Variants in NSL1 observed in about 807,000 individuals in gnomAD.
NSL1 encodes the protein NSL1 component of MIS12 kinetochore complex, also known as kinetochore-associated protein NSL1 homolog.
In NSL1, 11 loss-of-function variants were observed where a neutral mutation model predicts 25.4. The observed-to-expected ratio is 0.43, with a 90% CI of 0.27 to 0.72. The LOEUF is 0.72. NSL1 is among the 30% of genes least tolerant of loss of function. NSL1 has a pLI of 0.19. For missense variants in NSL1, 330 were observed against 342.7 expected, an observed-to-expected ratio of 0.96 and a Z score of 0.29; for synonymous variants, 118 against 120.6, an observed-to-expected ratio of 0.98 and a Z score of 0.14.
Position 212,738,369 on chromosome 1 carries a change from T to C in NSL1, c.*39A>G. 4 of 1,573,906 alleles carry C rather than the reference T, an allele frequency of 2.5e-6. No homozygotes were observed. The highest frequency in any genetic ancestry group is 2.6e-6 in the Non-Finnish European group (3 of 1,163,578). On this transcript the variant is annotated 3_prime_UTR_variant, in exon 6 of 6. Transcript: ENST00000366977. ...AATTAGGCTGTAATCTAAATGTTGA[T>C]GGTGCCTATTTTCAACTCCCAAAAT...
At chr1:212,750,200 T>C (rs1297597752) in intron 4 of NSL1, among the ~76,000 whole-genome samples, 4 of 151,830 alleles carry the variant, frequency 2.6e-5, no homozygotes, top group Non-Finnish European at 4.4e-5. Context: ...GAGGGTGCCA[T>C]GGAGGCACAA....
Position 212,728,869 on chromosome 1 carries a change from T to C in NSL1, c.*9539A>G. 3 of 985,008 alleles carry C rather than the reference T, an allele frequency of 3.0e-6. No individual in the cohort carries two copies. Among genetic ancestry groups the C allele is most frequent in the South Asian group, 9.4e-5 (2 of 21,262 alleles). The allele number at this position is 985,008 out of a possible 1,614,324, so 61.0% of individuals were successfully genotyped here. A position where few individuals can be genotyped will look rare whatever the true frequency, so the allele number is the denominator to read the frequency against. ...GTTTGCAGGAGGGCAAGACTGGGAG[T>C]GCTGGGGGTGGGGAGGCCAGAGTCC... On this transcript the variant is annotated 3_prime_UTR_variant, in exon 6 of 6. Transcript: ENST00000366977.
chr1:212,763,443 T>C (rs1659663974), intron 4 of NSL1, among the ~76,000 whole-genome samples: 1 of 151,978 alleles, frequency 6.6e-6, no homozygotes, highest in Admixed American at 6.6e-5. Flanking sequence ...CATTTCAATA[T>C]TAACGTTGAA....
chr1:212,740,689 T>C (rs74931144), intron 4 of NSL1, among the ~76,000 whole-genome samples: 2,294 of 152,280 alleles, frequency 0.015, 59 homozygotes, highest in African/African-American at 0.053. Context: ...TGTGCCCCTT[T>C]CCCAGTCAAT....
At chr1:212,790,553 T>TG (rs200733237) in intron 1 of NSL1, among the ~76,000 whole-genome samples, 3,253 of 152,186 alleles carry the variant, frequency 0.021, 57 homozygotes, top group Non-Finnish European at 0.034. Context: ...TCTACTTATA[T>TG]TAGCGGAAAA....
intron 4 of NSL1, chr1:212,766,171 G>A: frequency 1.8e-6 from 1 of 567,708 alleles, no homozygotes; most frequent in Non-Finnish European, 3.1e-6. Flanking sequence ...CAACAAACTA[G>A]GCAAAGAAGA....
intron 4 of NSL1, among the ~76,000 whole-genome samples, chr1:212,775,458 A>T (rs1226045118): frequency 1.3e-5 from 2 of 152,226 alleles, no homozygotes; most frequent in Non-Finnish European, 2.9e-5. Context: ...GATGTAATAG[A>T]TTCAGTATAA....
At chr1:212,757,649 A>G (rs779197468) in intron 4 of NSL1, among the ~76,000 whole-genome samples, 4 of 152,106 alleles carry the variant, frequency 2.6e-5, no homozygotes, top group Non-Finnish European at 5.9e-5. Context: ...CTTTAAAACA[A>G]CCAGCTCTCA....
chr1:212,729,092 A>G lies in NSL1; in HGVS notation c.*9316T>C. The stretch of plus-strand genomic sequence containing the variant: ...AAAATAAATTGCAGTAAGTGTTAAA[A>G]CTTGCCAGTCAATTACAGGAATATA... On this transcript the variant is annotated 3_prime_UTR_variant, in exon 6 of 6. Coordinates refer to ENST00000366977, the MANE Select transcript of NSL1 (RefSeq NM_015471.4). The G allele has an allele frequency of 1.0e-6, 1 of 985,434 alleles. No individual in the cohort carries two copies. Among genetic ancestry groups the G allele is most frequent in the Non-Finnish European group, 1.2e-6 (1 of 829,934 alleles). 61.0% of individuals were successfully genotyped at this position (985,434 alleles called of 1,614,324 possible). A position where few individuals can be genotyped will look rare whatever the true frequency, so the allele number is the denominator to read the frequency against.
chr1:212,769,908 A>G (rs1004863095), intron 4 of NSL1, among the ~76,000 whole-genome samples: 2 of 152,312 alleles, frequency 1.3e-5, no homozygotes, highest in Non-Finnish European at 2.9e-5. Context: ...ATAATAGCTT[A>G]ATGGATAAAA....
chr1:212,788,368 G>A (rs6702611), intron 1 of NSL1, among the ~76,000 whole-genome samples: 61,197 of 152,136 alleles, frequency 0.4, 13,953 homozygotes, highest in Non-Finnish European at 0.51. Flanking sequence ...AGCTATGATT[G>A]CCACTGTACT....
At chr1:212,781,973 AAAT>A (rs1288333893) in intron 4 of NSL1, 2 of 465,604 alleles carry the variant, frequency 4.3e-6, no homozygotes, top group Non-Finnish European at 8.4e-6. Flanking sequence ...TTGATTTTAG[AAAT>A]AATGAGAAAC....
In NSL1 at chr1:212,728,610, T is replaced by C; in HGVS notation, c.*9798A>G. 1 of 985,378 alleles carries C rather than the reference T, an allele frequency of 1.0e-6. No individual in the cohort carries two copies. The highest frequency in any genetic ancestry group is 1.2e-6 in the Non-Finnish European group (1 of 829,912). 61.0% of individuals were successfully genotyped at this position (985,378 alleles called of 1,614,324 possible). ...GAGTTTTATGTTAGGAAAAAAATGG[T>C]TTCTGAGAATTCTGAGGCTCTGATC... On this transcript the variant is annotated 3_prime_UTR_variant, in exon 6 of 6. Coordinates refer to ENST00000366977, the MANE Select transcript of NSL1 (RefSeq NM_015471.4).
At chr1:212,775,851 G>A (rs1273665521) in intron 4 of NSL1, among the ~76,000 whole-genome samples, 8 of 151,084 alleles carry the variant, frequency 5.3e-5, no homozygotes, top group Non-Finnish European at 7.4e-5. Context: ...TTTTTGAGAC[G>A]GAGTCTCACT....
chr1:212,741,758 C>T (rs1658517158), intron 4 of NSL1, among the ~76,000 whole-genome samples: 1 of 152,184 alleles, frequency 6.6e-6, no homozygotes, highest in African/African-American at 2.4e-5. Flanking sequence ...ACTAATACAG[C>T]TGAGCAGTAG....
At chr1:212,766,733 A>T (rs1257562052) in intron 4 of NSL1, among the ~76,000 whole-genome samples, 3 of 152,192 alleles carry the variant, frequency 2.0e-5, no homozygotes, top group African/African-American at 7.2e-5. Context: ...TAAAGTATCA[A>T]AGTACAAAAT....
At position 212,791,727 on chromosome 1, in the gene NSL1, G is replaced by A; in HGVS notation, c.37C>T (p.Pro13Ser). The A allele has an allele frequency of 6.2e-7, 1 of 1,613,524 alleles. No homozygotes were observed. The highest frequency in any genetic ancestry group is 1.3e-5 in the African/African-American group (1 of 75,050). Residue 13 changes from proline (P) to serine (S), a missense_variant, in exon 1 of 6, where the codon CCA (proline) becomes TCA (serine). By Grantham distance (74) the Pro-to-Ser change is moderately conservative. Coordinates refer to ENST00000366977, the MANE Select transcript of NSL1 (RefSeq NM_015471.4). ...CCAGCCGCGAGCTCCTTGTCCCATG[G>A]AGGGTCAAGGACCACCAACTCAGGA... ...GSPELVVLDP[P>S]WDKELAAGTE... is the part of the protein sequence containing the mutation.
At chr1:212,779,200 G>A (rs1323270185) in intron 4 of NSL1, among the ~76,000 whole-genome samples, 14 of 151,788 alleles carry the variant, frequency 9.2e-5, no homozygotes, top group South Asian at 4.2e-4. Flanking sequence ...GAGCGTCTCC[G>A]CCCGGCCAGC....
chr1:212,758,902 A>T (rs1439755133), intron 4 of NSL1, among the ~76,000 whole-genome samples: 2 of 152,222 alleles, frequency 1.3e-5, no homozygotes, highest in Non-Finnish European at 2.9e-5. Context: ...AAGCTATAAT[A>T]ATCAAGACAG....
Sources: allele counts gnomAD v4.1 joint callset (sites outside exome capture counted in the v4.1 genomes callset), GRCh38; gene constraint gnomAD v4.1.1; transcripts MANE v1.5; gene names NCBI Gene and HGNC (gene_info 2026-07-23, HGNC 2026-07-21).